Variants in PIGF observed in about 807,000 individuals in gnomAD.
The protein encoded by PIGF is GPI ethanolamine phosphate transferase, stabilizing subunit.
In PIGF, 23 loss-of-function variants were observed where a neutral mutation model predicts 26.0. The ratio of observed to expected loss-of-function variants is 0.88; its 90% confidence interval spans 0.64 to 1.25. The LOEUF (loss-of-function observed/expected upper bound fraction) is 1.25, where lower values mean the gene tolerates loss of function less well. PIGF is among the 50% of genes most tolerant of loss of function. The pLI, the probability that PIGF is intolerant of heterozygous loss-of-function variation, is 0.00. For synonymous variants in PIGF, 93 were observed against 92.6 expected, an observed-to-expected ratio of 1.00 and a Z score of -0.03; for missense variants, 278 against 249.9, an observed-to-expected ratio of 1.11 and a Z score of -0.76.
chr2:46,599,155 C>A (rs568622052), intron 4 of PIGF, among the ~76,000 whole-genome samples: 26 of 152,314 alleles, frequency 1.7e-4, no homozygotes, highest in African/African-American at 5.5e-4. Context: ...TTGTACCCAA[C>A]AGGCTCAGTA....
intron 5 of PIGF, among the ~76,000 whole-genome samples, chr2:46,590,027 A>G (rs1286740763): frequency 6.6e-6 from 1 of 152,112 alleles, no homozygotes; most frequent in Non-Finnish European, 1.5e-5. Context: ...GTTTACAGTG[A>G]ATACGTGGGT....
intron 4 of PIGF, among the ~76,000 whole-genome samples, chr2:46,611,646 T>C (rs1670422525): frequency 6.6e-6 from 1 of 152,202 alleles, no homozygotes; most frequent in Non-Finnish European, 1.5e-5. Context: ...AGATCTCCAC[T>C]ATTTCTGGTG....
chr2:46,585,074 T>C (rs774212882), intron 5 of PIGF, among the ~76,000 whole-genome samples: 2 of 152,176 alleles, frequency 1.3e-5, no homozygotes, highest in Non-Finnish European at 2.9e-5. Flanking sequence ...ATGCCACAAA[T>C]AGGATTTTTT....
At chr2:46,609,721 G>C (rs912354557) in intron 4 of PIGF, among the ~76,000 whole-genome samples, 3 of 152,242 alleles carry the variant, frequency 2.0e-5, no homozygotes, top group Middle Eastern at 3.4e-3. Flanking sequence ...GGAAGGGAGA[G>C]AGACAGAGAG....
chr2:46,597,718 C>G (rs1178051876), intron 4 of PIGF, among the ~76,000 whole-genome samples: 1 of 152,082 alleles, frequency 6.6e-6, no homozygotes, highest in Non-Finnish European at 1.5e-5. Flanking sequence ...GGCCCTGCCT[C>G]AGAATTTGGA....
chr2:46,598,400 A>G (rs1478388953), intron 4 of PIGF, among the ~76,000 whole-genome samples: 3 of 152,222 alleles, frequency 2.0e-5, no homozygotes, highest in Non-Finnish European at 2.9e-5. Flanking sequence ...CAGACTAGGC[A>G]AATCTACAGA....
chr2:46,588,819 C>T lies in PIGF; in HGVS notation c.546+3656G>A, dbSNP rs367632688. 2.0e-5 allele frequency among the ~76,000 whole-genome samples: 3 copies of T among 152,178 alleles called. No homozygotes were observed. The East Asian group carries it at 5.8e-4, about 29-fold the overall frequency. On this transcript the variant is annotated intron_variant, in intron 5 of 5. Transcript: ENST00000281382. This position sits in a 1 kb window ranked among gnomAD's most constrained non-coding sequence, Gnocchi z 4.1. ...TCTAAATTATTAAATAATTAAATTC[C>T]AGTCCTGGGTGTATTTAAGTATCTG... is the stretch of plus-strand genomic sequence containing the variant.
At chr2:46,612,132 G>A in intron 4 of PIGF, 96 bp downstream of exon 4, 1 of 416,046 alleles carries the variant, frequency 2.4e-6, no homozygotes, top group East Asian at 3.9e-5. Context: ...GCAATGAGAA[G>A]CACTCAGAAT....
intron 4 of PIGF, among the ~76,000 whole-genome samples, chr2:46,601,156 A>G (rs893968551): frequency 6.6e-6 from 1 of 152,108 alleles, no homozygotes; most frequent in Non-Finnish European, 1.5e-5. Flanking sequence ...GTAAGTTTCC[A>G]TAATAAAGCT....
In PIGF at chr2:46,614,977, T is replaced by C. The variant is rs1462898683; in HGVS notation, c.188A>G (p.Lys63Arg). The change falls in exon 2 of 6, where the codon AAA (lysine) becomes AGA (arginine). Residue 63 changes from lysine to arginine, a missense_variant. Physicochemically the swap from Lys to Arg is conservative, Grantham distance 26. Transcript: ENST00000281382. The part of the protein sequence containing the change: ...AVNLVLYLVV[K>R]PNTSSKRSSL... ...ACTTCTTTTAGAGGATGTATTTGGT[T>C]TCACTACTAAATATAGTACTAGATT... The C allele has an allele frequency of 5.6e-6, 9 of 1,597,384 alleles. No homozygotes were observed. The highest frequency in any genetic ancestry group is 6.9e-6 in the Non-Finnish European group (8 of 1,164,774).
intron 4 of PIGF, among the ~76,000 whole-genome samples, chr2:46,602,811 A>C (rs1451715174): frequency 6.6e-6 from 1 of 151,944 alleles, no homozygotes; most frequent in Non-Finnish European, 1.5e-5. Flanking sequence ...AATCTCCTTG[A>C]ATAATAATAG....
intron 2 of PIGF, 152 bp from the exon 3 acceptor site, chr2:46,613,937 C>G (rs1221825109): frequency 1.6e-6 from 1 of 630,042 alleles, no homozygotes; most frequent in Non-Finnish European, 2.7e-6. Context: ...ATGTCCTGTA[C>G]CGTCACATAC....
intron 5 of PIGF, chr2:46,582,576 C>T: frequency 6.6e-6 from 1 of 152,480 alleles, no homozygotes; most frequent in East Asian, 1.9e-4. Flanking sequence ...AATCTCATCA[C>T]ATTTTTTCTA....
intron 4 of PIGF, among the ~76,000 whole-genome samples, chr2:46,601,058 T>A (rs1425870984): frequency 6.6e-6 from 1 of 152,064 alleles, no homozygotes; most frequent in Non-Finnish European, 1.5e-5. Flanking sequence ...CATTATTTTG[T>A]AATAAATAAG....
chr2:46,591,443 T>C (rs528496395), intron 5 of PIGF: 42 of 547,560 alleles, frequency 7.7e-5, no homozygotes, highest in African/African-American at 7.6e-4. Context: ...ATATACATTA[T>C]CTTCGTGATC....
chr2:46,603,295 C>T (rs1248885621), intron 4 of PIGF, among the ~76,000 whole-genome samples: 1 of 152,102 alleles, frequency 6.6e-6, no homozygotes, highest in East Asian at 1.9e-4. Flanking sequence ...CCAAAGCAAT[C>T]CACAGATTCA....
chr2:46,593,067 T>C (rs1401024972), intron 4 of PIGF, among the ~76,000 whole-genome samples: 1 of 152,208 alleles, frequency 6.6e-6, no homozygotes. Flanking sequence ...TTGCTTGTTT[T>C]TCCTTGTTAA....
intron 4 of PIGF, among the ~76,000 whole-genome samples, chr2:46,611,228 C>T (rs909342215): frequency 5.9e-5 from 9 of 152,078 alleles, no homozygotes; most frequent in Admixed American, 5.2e-4. Context: ...GTGGCTCATA[C>T]CTGTAATCCC....
At chr2:46,610,615 C>T (rs918722716) in intron 4 of PIGF, among the ~76,000 whole-genome samples, 4 of 150,060 alleles carry the variant, frequency 2.7e-5, no homozygotes, top group Non-Finnish European at 4.4e-5. Context: ...CTGCAACCTC[C>T]GCCTCCTGGG....
Sources: gnomAD v4.1 joint callset for allele counts (sites outside exome capture counted in the v4.1 genomes callset) on GRCh38, gnomAD v4.1.1 for gene constraint, Gnocchi (gnomAD v3.1) non-coding constraint, MANE v1.5 for transcripts, NCBI Gene and HGNC (gene_info 2026-07-23, HGNC 2026-07-21) for gene names.